The following PDPR variants were observed in gnomAD, a reference collection of about 807,000 sequenced individuals.
PDPR encodes pyruvate dehydrogenase phosphatase regulatory subunit.
Under a neutral mutation model 102.2 loss-of-function variants are expected in PDPR, and 50 were observed. The ratio of observed to expected loss-of-function variants is 0.49; its 90% CI spans 0.39 to 0.62. The LOEUF (loss-of-function observed/expected upper bound fraction) is 0.62, where lower values mean the gene tolerates loss of function less well. Ranked by LOEUF, PDPR falls within the 20% of genes least tolerant of loss-of-function variation. The pLI, the probability that PDPR is intolerant of heterozygous loss-of-function variation, is 0.00. For missense variants in PDPR, 625 were observed against 1,098.2 expected (o/e 0.57, Z 6.09); for synonymous variants, 259 against 406.0 (o/e 0.64, Z 4.35).
intron 13 of PDPR, among the ~76,000 whole-genome samples, chr16:70,143,124 G>A (rs1434003246): frequency 1.6e-4 from 24 of 152,346 alleles, no homozygotes; most frequent in African/African-American, 5.8e-4. Context: ...ATGAGGTGGA[G>A]GTTGCAGTGA....
chr16:70,135,236 C>CTTT (rs59176444), intron 9 of PDPR, among the ~76,000 whole-genome samples: 4,311 of 143,146 alleles, frequency 0.03, 6 homozygotes, highest in East Asian at 0.04. Flanking sequence ...AGAACATTGC[C>CTTT]TTTTTTTTTT....
intron 17 of PDPR, among the ~76,000 whole-genome samples, chr16:70,149,783 T>G (rs1158947806): frequency 1.3e-5 from 2 of 152,280 alleles, no homozygotes; most frequent in African/African-American, 4.8e-5. Flanking sequence ...AGTAATAGTT[T>G]CTTCCTTCTC....
At chr16:70,146,017 T>C (rs1966212680) in intron 15 of PDPR, 117 bp from the exon 16 acceptor site, 1 of 1,123,170 alleles carries the variant, frequency 8.9e-7, no homozygotes, top group Non-Finnish European at 1.3e-6. Context: ...CAAAGGGACA[T>C]ATTCCTGGTC....
intron 17 of PDPR, among the ~76,000 whole-genome samples, chr16:70,151,038 G>A (rs879464320): frequency 1.4e-4 from 22 of 152,356 alleles, no homozygotes; most frequent in Middle Eastern, 3.4e-3. Flanking sequence ...GGGTTCAAGC[G>A]ATTCTCCTGC....
chr16:70,163,362 A>G (rs1967940624), downstream of PDPR, among the ~76,000 whole-genome samples: 1 of 152,112 alleles, frequency 6.6e-6, no homozygotes, highest in African/African-American at 2.4e-5. Context: ...AGCCCCTTCT[A>G]TTCCAGTTCC....
intron 3 of PDPR, among the ~76,000 whole-genome samples, chr16:70,123,033 T>G (rs1282913450): frequency 1.3e-5 from 2 of 152,036 alleles, no homozygotes; most frequent in Non-Finnish European, 2.9e-5. Context: ...CCCAAGTAGC[T>G]GGGATTAATA....
At position 70,129,769 on chromosome 16, in the gene PDPR, G is replaced by A. The variant is rs567012814; in HGVS notation, c.607+647G>A. 9.2e-5 allele frequency among the ~76,000 whole-genome samples: 14 copies of A among 152,392 alleles called. No homozygotes were observed. The East Asian group carries it at 2.3e-3, about 25-fold the overall frequency. On this transcript the variant is annotated intron_variant, in intron 6 of 18. Coordinates refer to ENST00000288050, the MANE Select transcript of PDPR (RefSeq NM_017990.5). ...AATCATGAGCCCAGTTGCATTGAAT[G>A]AGGGGAAGACTTAACTAGCGTCCAG...
At chr16:70,163,178 C>A (rs1479628120), downstream of PDPR, among the ~76,000 whole-genome samples, 1 of 152,244 alleles carries the variant, frequency 6.6e-6, no homozygotes, top group Non-Finnish European at 1.5e-5. Context: ...AAACCCCCAA[C>A]CTCAAGTGAT....
chr16:70,116,227 C>G (rs1962621516), intron 2 of PDPR, among the ~76,000 whole-genome samples: 1 of 142,546 alleles, frequency 7.0e-6, no homozygotes, highest in Non-Finnish European at 1.5e-5. Context: ...CAGGTGCAAG[C>G]CACGACACCT....
chr16:70,129,513 T>A (rs1964325598), intron 6 of PDPR, among the ~76,000 whole-genome samples: 1 of 152,236 alleles, frequency 6.6e-6, no homozygotes, highest in South Asian at 2.1e-4. Context: ...CCCGGCTAAT[T>A]TTTTTGTGTA....
chr16:70,114,646 T>A (rs1423816794), intron 1 of PDPR, among the ~76,000 whole-genome samples, 175 bp from the exon 2 acceptor site: 11 of 152,246 alleles, frequency 7.2e-5, no homozygotes. Context: ...CGCTCGTGCC[T>A]TGGCTTGTGT....
chr16:70,148,297 C>T (rs1461339926), intron 16 of PDPR, among the ~76,000 whole-genome samples, 167 bp from the exon 17 acceptor site: 2 of 152,256 alleles, frequency 1.3e-5, no homozygotes, highest in African/African-American at 4.8e-5. Context: ...ATTCTCTGTG[C>T]CTCAGGACCT....
At chr16:70,115,506 C>T (rs979757039) in intron 2 of PDPR, among the ~76,000 whole-genome samples, 2 of 152,214 alleles carry the variant, frequency 1.3e-5, no homozygotes, top group African/African-American at 2.4e-5. Context: ...GGATCAGAAT[C>T]TGCCGAGGTG....
intron 15 of PDPR, 105 bp downstream of exon 15, chr16:70,144,638 C>G (rs1260586188): frequency 7.3e-6 from 4 of 544,512 alleles, no homozygotes; most frequent in African/African-American, 1.9e-5. Context: ...TTAGAGTTAG[C>G]ATAAAAGAGG....
intron 2 of PDPR, among the ~76,000 whole-genome samples, chr16:70,115,561 C>A (rs1432454303): frequency 6.6e-6 from 1 of 152,198 alleles, no homozygotes; most frequent in Non-Finnish European, 1.5e-5. Flanking sequence ...CCAGGTGGTT[C>A]TTTTGCTGAG....
intron 9 of PDPR, among the ~76,000 whole-genome samples, chr16:70,134,144 T>C (rs1401854622): frequency 1.3e-5 from 2 of 151,564 alleles, no homozygotes; most frequent in African/African-American, 2.4e-5. Flanking sequence ...AAAACAGAAT[T>C]GTTTTGTTTT....
rs373408362 is a variant in PDPR at position 70,143,830 on chromosome 16, G to A, written c.1754+172G>A. 2.4e-3 allele frequency among the ~76,000 whole-genome samples: 365 copies of A among 151,472 alleles called. 1 individual carries two copies. In the Middle Eastern group the frequency reaches 0.028, roughly 11 times the overall value. Reference sequence around the variant, plus strand: ...AGTCCTAAACAAAAGAAATCACCAGGAGGAAAAGAAAAAAAAGCCCACCAG... The same window carrying A: ...AGTCCTAAACAAAAGAAATCACCAGAAGGAAAAGAAAAAAAAGCCCACCAG... On this transcript the variant is annotated intron_variant, in intron 14 of 18. Coordinates refer to ENST00000288050, the MANE Select transcript of PDPR (RefSeq NM_017990.5).
chr16:70,119,258 C>T (rs1431176262), intron 2 of PDPR, among the ~76,000 whole-genome samples: 3 of 152,012 alleles, frequency 2.0e-5, no homozygotes, highest in African/African-American at 7.3e-5. Flanking sequence ...CCTAGGAAGT[C>T]AACTCTGTTT....
chr16:70,156,318 G>C, intron 18 of PDPR, 157 bp from the exon 19 acceptor site: 2 of 860,354 alleles, frequency 2.3e-6, no homozygotes, highest in Non-Finnish European at 3.5e-6. Flanking sequence ...TTTTTCACAT[G>C]GTAGAAATCG....
Sources: allele counts gnomAD v4.1 joint callset (sites outside exome capture counted in the v4.1 genomes callset), GRCh38; gene constraint gnomAD v4.1.1; transcripts MANE v1.5; gene names NCBI Gene and HGNC (gene_info 2026-07-23, HGNC 2026-07-21).